BIRC3: variants seen among roughly 807,000 people sequenced by gnomAD.
BIRC3 encodes baculoviral IAP repeat containing 3.
In BIRC3, 26 loss-of-function variants were observed where a neutral mutation model predicts 59.0. The observed-to-expected ratio is 0.44, with a 90% confidence interval of 0.32 to 0.61. The LOEUF (loss-of-function observed/expected upper bound fraction) is 0.61, where lower values mean the gene tolerates loss of function less well. Among genes scored for constraint, BIRC3 ranks in the 20% least tolerant of loss-of-function variants. BIRC3 has a pLI of 0.04. For missense variants in BIRC3, 641 were observed against 711.5 expected (o/e 0.90, Z 1.13); for synonymous variants, 243 against 249.2 (o/e 0.98, Z 0.24).
In BIRC3 at chr11:102,324,581, C is replaced by T. The variant is rs770856613; in HGVS notation, c.72C>T (p.Tyr24=). 3 of 1,613,936 alleles carry T rather than the reference C, an allele frequency of 1.9e-6. No individual in the cohort carries two copies. Among genetic ancestry groups the T allele is most frequent in the African/African-American group, 1.3e-5 (1 of 74,918 alleles). Residue 24 remains tyrosine (Y), a synonymous_variant, in exon 2 of 9, where the codon TAC becomes TAT. Transcript: ENST00000263464. ...GCGCCAACACGTTTGAACTGAAATA[C>T]GACTTGTCATGTGAACTGTACCGAA... The part of the protein sequence containing the change: ...MKSANTFELK[Y]DLSCELYRMS...
intron 6 of BIRC3, among the ~76,000 whole-genome samples, chr11:102,335,425 C>T (rs1951185470): frequency 6.6e-6 from 1 of 152,160 alleles, no homozygotes; most frequent in Non-Finnish European, 1.5e-5. Flanking sequence ...TGATTGAAAG[C>T]ACAGTACATG....
Position 102,338,731 on chromosome 11 carries a change from C to G in BIRC3, c.*1629C>G, listed in dbSNP as rs550830081. On this transcript the variant is annotated 3_prime_UTR_variant, in exon 9 of 9. Transcript: ENST00000263464. Reference sequence around the variant, plus strand: ...GGTCAGAGAATTTATTTATGGCCAGCTCTTACATAGTTAGGTGAGGAAAGA... The same window carrying G: ...GGTCAGAGAATTTATTTATGGCCAGGTCTTACATAGTTAGGTGAGGAAAGA... The G allele has an allele frequency of 1.8e-5, 4 of 227,980 alleles. No homozygotes were observed. The highest frequency in any genetic ancestry group is 8.9e-5 in the African/African-American group (4 of 45,004). 14.1% of individuals were successfully genotyped at this position (227,980 alleles called of 1,614,324 possible). A position where few individuals can be genotyped will look rare whatever the true frequency, so the allele number is the denominator to read the frequency against.
chr11:102,332,596 G>A (rs943335796), intron 6 of BIRC3, among the ~76,000 whole-genome samples: 6 of 152,258 alleles, frequency 3.9e-5, no homozygotes, highest in African/African-American at 1.2e-4. Context: ...CCTTATCCTT[G>A]TGCAAGGCCA....
At position 102,337,107 on chromosome 11, in the gene BIRC3, G is replaced by A. The variant is rs1951204718; in HGVS notation, c.*5G>A. 2.7e-6 allele frequency: 4 copies of A among 1,482,954 alleles called. No individual in the cohort carries two copies. The highest frequency in any genetic ancestry group is 3.6e-6 in the Non-Finnish European group (4 of 1,120,550). 91.9% of individuals were successfully genotyped at this position (1,482,954 alleles called of 1,614,324 possible). ...GTTCGTACATTTCTTTCATGAAGAA[G>A]AACCAAAACATCGTCTAAACTTTAG... On this transcript the variant is annotated 3_prime_UTR_variant, in exon 9 of 9. Transcript: ENST00000263464.
intron 1 of BIRC3, among the ~76,000 whole-genome samples, chr11:102,319,515 AG>A (rs1320685557): frequency 2.0e-5 from 3 of 152,202 alleles, no homozygotes; most frequent in Non-Finnish European, 4.4e-5. Flanking sequence ...GGATCCCATA[AG>A]GGGGCAAGTC....
At position 102,337,187 on chromosome 11, in the gene BIRC3, T is replaced by C; in HGVS notation, c.*85T>C. The C allele has an allele frequency of 9.5e-7, 1 of 1,049,028 alleles. No individual in the cohort carries two copies. The highest frequency in any genetic ancestry group is 1.3e-6 in the Non-Finnish European group (1 of 792,182). The allele number at this position is 1,049,028 out of a possible 1,614,324, so 65.0% of individuals were successfully genotyped here. ...AACTTTTATCCTAATTTGGTTTCCTTAAAATTTTTATTTATTTACAACTCA... is the reference window on the plus strand; with the variant it reads ...AACTTTTATCCTAATTTGGTTTCCTCAAAATTTTTATTTATTTACAACTCA... On this transcript the variant is annotated 3_prime_UTR_variant, in exon 9 of 9. Transcript: ENST00000263464.
chr11:102,327,253 T>A (rs1246073484), intron 3 of BIRC3, among the ~76,000 whole-genome samples: 1 of 152,202 alleles, frequency 6.6e-6, no homozygotes, highest in Non-Finnish European at 1.5e-5. Flanking sequence ...AGTAAATTGA[T>A]TATATGTATG....
intron 6 of BIRC3, among the ~76,000 whole-genome samples, chr11:102,335,592 T>C (rs1951187238): frequency 6.6e-6 from 1 of 152,194 alleles, no homozygotes; most frequent in African/African-American, 2.4e-5. Context: ...ACATGTAAAG[T>C]TCTTAACACA....
chr11:102,318,571 G>A (rs1423309040), intron 1 of BIRC3, among the ~76,000 whole-genome samples: 1 of 152,230 alleles, frequency 6.6e-6, no homozygotes, highest in Non-Finnish European at 1.5e-5. Flanking sequence ...TTACTGTCTA[G>A]CGGGAGGCAG....
chr11:102,331,425 C>T (rs555429145), intron 6 of BIRC3, among the ~76,000 whole-genome samples, 184 bp downstream of exon 6: 1 of 152,162 alleles, frequency 6.6e-6, no homozygotes, highest in South Asian at 2.1e-4. Flanking sequence ...TTGAGTTGCT[C>T]ATAAGTCAAA....
intron 3 of BIRC3, 114 bp from the exon 4 acceptor site, chr11:102,327,938 C>A (rs1951101651): frequency 1.4e-6 from 1 of 739,128 alleles, no homozygotes; most frequent in Non-Finnish European, 2.2e-6. Context: ...TGATTTGAGG[C>A]AAACAACCAG....
chr11:102,329,209 A>G (rs981972272), intron 5 of BIRC3, among the ~76,000 whole-genome samples: 9 of 152,200 alleles, frequency 5.9e-5, no homozygotes, highest in Non-Finnish European at 8.8e-5. Flanking sequence ...TCAGGCATGT[A>G]TAGTTTTAAC....
rs776660602 is a variant in BIRC3, at chr11:102,331,250, A to AT, written c.1324+12dup. 6.2e-7 allele frequency: 1 copy of AT among 1,601,092 alleles called. No individual in the cohort carries two copies. Among genetic ancestry groups the AT allele is most frequent in the Non-Finnish European group, 8.5e-7 (1 of 1,175,076 alleles). ...TGAGGAAAAAGAATCAAGTATGTAGATTTATTAATACAGTCTATTTTCATA... is the reference window on the plus strand; with the variant it reads ...TGAGGAAAAAGAATCAAGTATGTAGATTTTATTAATACAGTCTATTTTCATA... On this transcript the variant is annotated intron_variant, in intron 6 of 8. Coordinates refer to ENST00000263464, the MANE Select transcript of BIRC3 (RefSeq NM_001165.5).
At chr11:102,330,441 G>A (rs1316761572) in intron 5 of BIRC3, among the ~76,000 whole-genome samples, 1 of 152,146 alleles carries the variant, frequency 6.6e-6, no homozygotes, top group African/African-American at 2.4e-5. Flanking sequence ...GGCTGAAGAG[G>A]TAAACAAGGT....
intron 7 of BIRC3, 198 bp from the exon 8 acceptor site, chr11:102,336,562 C>T: frequency 3.3e-6 from 2 of 614,602 alleles, no homozygotes; most frequent in Non-Finnish European, 5.5e-6. Flanking sequence ...CCACTGCACT[C>T]CAGCTTGGGT....
intron 5 of BIRC3, 101 bp from the exon 6 acceptor site, chr11:102,330,898 T>C (rs1466764338): frequency 8.0e-7 from 1 of 1,245,640 alleles, no homozygotes; most frequent in Non-Finnish European, 1.1e-6. Flanking sequence ...TTTACATTTT[T>C]AATATTATAA....
At position 102,337,110 on chromosome 11, in the gene BIRC3, C is replaced by T. The variant is rs767544768; in HGVS notation, c.*8C>T. 2.0e-6 allele frequency: 3 copies of T among 1,475,788 alleles called. No individual in the cohort carries two copies. The highest frequency in any genetic ancestry group is 1.5e-5 in the South Asian group (1 of 66,970). The allele number at this position is 1,475,788 out of a possible 1,614,324, so 91.4% of individuals were successfully genotyped here. ...CGTACATTTCTTTCATGAAGAAGAACCAAAACATCGTCTAAACTTTAGAAT... is the reference window on the plus strand; with the variant it reads ...CGTACATTTCTTTCATGAAGAAGAATCAAAACATCGTCTAAACTTTAGAAT... On this transcript the variant is annotated 3_prime_UTR_variant, in exon 9 of 9. Transcript: ENST00000263464.
chr11:102,329,260 T>C (rs1951114800), intron 5 of BIRC3, among the ~76,000 whole-genome samples: 1 of 152,180 alleles, frequency 6.6e-6, no homozygotes, highest in East Asian at 1.9e-4. Flanking sequence ...CTTGGGCCAG[T>C]GTGGGAGCAG....
In BIRC3 at chr11:102,323,556, C is replaced by G. The variant is rs1297303655; in HGVS notation, c.-954C>G. ...AATAGAATATTTAATTGTGTAAGAT[C>G]TAATAGTATCATTATACTTAAGCAA... On this transcript the variant is annotated 5_prime_UTR_variant, in exon 2 of 9. The change creates a new upstream start codon in the 5' untranslated region. Coordinates refer to ENST00000263464, the MANE Select transcript of BIRC3 (RefSeq NM_001165.5). 1.1e-5 allele frequency: 2 copies of G among 187,752 alleles called. No homozygotes were observed. Among genetic ancestry groups the G allele is most frequent in the African/African-American group, 4.7e-5 (2 of 42,774 alleles). The allele number at this position is 187,752 out of a possible 1,614,324, so 11.6% of individuals were successfully genotyped here.
Sources: allele counts gnomAD v4.1 joint callset (sites outside exome capture counted in the v4.1 genomes callset), GRCh38; gene constraint gnomAD v4.1.1; transcripts MANE v1.5; gene names NCBI Gene and HGNC (gene_info 2026-07-23, HGNC 2026-07-21).